Variants in IGFBP7 observed in about 807,000 individuals in gnomAD.
IGFBP7 encodes the protein insulin like growth factor binding protein 7.
IGFBP7 carries 31 observed loss-of-function variants against 29.4 expected under a neutral mutation model. The ratio of observed to expected loss-of-function variants is 1.05; its 90% confidence interval spans 0.79 to 1.42. The LOEUF (loss-of-function observed/expected upper bound fraction) is 1.42. Among genes scored for constraint, IGFBP7 ranks in the 40% most tolerant of loss-of-function variants. IGFBP7 has a pLI of 0.00. For missense variants in IGFBP7, 393 were observed against 395.5 expected, an observed-to-expected ratio of 0.99 and a Z score of 0.05; for synonymous variants, 172 against 174.9, an observed-to-expected ratio of 0.98 and a Z score of 0.13.
intron 1 of IGFBP7, among the ~76,000 whole-genome samples, chr4:57,089,239 A>G (rs1258228150): frequency 2.0e-5 from 3 of 152,196 alleles, no homozygotes; most frequent in Admixed American, 6.5e-5. Context: ...TACAATTTAT[A>G]AAAATGAAAG....
rs1465150998 is a variant in IGFBP7, at chr4:57,109,948, G to C, written c.404C>G (p.Ala135Gly). 6.4e-7 allele frequency: 1 copy of C among 1,554,422 alleles called. No individual in the cohort carries two copies. The highest frequency in any genetic ancestry group is 1.2e-5 in the South Asian group (1 of 85,284). Residue 135 changes from alanine (A) to glycine (G), a missense_variant, in exon 1 of 5, where the codon GCC becomes GGC. Coordinates refer to ENST00000295666, the MANE Select transcript of IGFBP7 (RefSeq NM_001553.3). ...TTYPSGCQLRAASQRAESRGE... is the reference protein window; with the variant it reads ...TTYPSGCQLRGASQRAESRGE... ...GCGGCTCTCGGCCCTCTGGCTGGCG[G>C]CGCGCAGCTGGCAGCCGCTCGGGTA...
At chr4:57,055,076 C>G (rs1014898575) in intron 1 of IGFBP7, among the ~76,000 whole-genome samples, 2 of 152,178 alleles carry the variant, frequency 1.3e-5, no homozygotes, top group Non-Finnish European at 2.9e-5. Flanking sequence ...CAGGAGCTAC[C>G]AAGCAGAGGT....
intron 2 of IGFBP7, among the ~76,000 whole-genome samples, chr4:57,037,737 A>G (rs1289671840): frequency 4.6e-5 from 7 of 152,182 alleles, no homozygotes; most frequent in Admixed American, 4.6e-4. Flanking sequence ...TTTGCCAATA[A>G]GGTCACATGC....
At chr4:57,058,786 G>T (rs1389397296) in intron 1 of IGFBP7, among the ~76,000 whole-genome samples, 1 of 152,138 alleles carries the variant, frequency 6.6e-6, no homozygotes, top group East Asian at 1.9e-4. Context: ...CACAGCAAAA[G>T]AAACTATCAA....
At chr4:57,054,059 C>T (rs1724580894) in intron 1 of IGFBP7, among the ~76,000 whole-genome samples, 1 of 151,998 alleles carries the variant, frequency 6.6e-6, no homozygotes, top group South Asian at 2.1e-4. Context: ...CCAGGTTGGT[C>T]TTGGACTCCC....
chr4:57,077,570 A>G (rs976905571), intron 1 of IGFBP7, among the ~76,000 whole-genome samples: 8 of 152,202 alleles, frequency 5.3e-5, no homozygotes, highest in South Asian at 4.1e-4. Context: ...GAGCCACCAC[A>G]GCTGACCAAA....
At chr4:57,065,082 CT>C (rs769261438) in intron 1 of IGFBP7, among the ~76,000 whole-genome samples, 3 of 152,216 alleles carry the variant, frequency 2.0e-5, no homozygotes, top group Non-Finnish European at 4.4e-5. Flanking sequence ...TCCCCTGAGC[CT>C]TGGATCTGGA....
At chr4:57,086,408 C>G (rs568135762) in intron 1 of IGFBP7, among the ~76,000 whole-genome samples, 66 of 152,294 alleles carry the variant, frequency 4.3e-4, no homozygotes, top group South Asian at 2.3e-3. Flanking sequence ...CCCTTCCACC[C>G]TTTGGGTCCC....
At chr4:57,092,414 G>T (rs988172667) in intron 1 of IGFBP7, among the ~76,000 whole-genome samples, 16 of 152,116 alleles carry the variant, frequency 1.1e-4, no homozygotes, top group African/African-American at 3.9e-4. Flanking sequence ...TAGGTAACAG[G>T]CAGGGTCCCT....
At chr4:57,079,942 T>C (rs1020811288) in intron 1 of IGFBP7, among the ~76,000 whole-genome samples, 9 of 152,288 alleles carry the variant, frequency 5.9e-5, no homozygotes, top group Admixed American at 5.2e-4. Context: ...TACCCCATTG[T>C]AGAGATGAGG....
At chr4:57,078,207 A>C (rs540105454) in intron 1 of IGFBP7, among the ~76,000 whole-genome samples, 1 of 152,162 alleles carries the variant, frequency 6.6e-6, no homozygotes, top group African/African-American at 2.4e-5. Flanking sequence ...ATATGTGTAA[A>C]TAATTTAACC....
At chr4:57,079,307 T>C (rs1725305699) in intron 1 of IGFBP7, among the ~76,000 whole-genome samples, 1 of 152,164 alleles carries the variant, frequency 6.6e-6, no homozygotes, top group African/African-American at 2.4e-5. Flanking sequence ...CACATCCCAC[T>C]GTACTTCATT....
chr4:57,053,192 A>G (rs1724555013), intron 1 of IGFBP7, among the ~76,000 whole-genome samples: 1 of 151,970 alleles, frequency 6.6e-6, no homozygotes, highest in Admixed American at 6.5e-5. Flanking sequence ...AATTTTTGTA[A>G]TTTTAGCAGT....
intron 1 of IGFBP7, among the ~76,000 whole-genome samples, chr4:57,042,512 T>G (rs1194266487): frequency 1.3e-5 from 2 of 152,188 alleles, no homozygotes; most frequent in Non-Finnish European, 2.9e-5. Context: ...CATGCCCAGC[T>G]AATTTTTGTG....
At chr4:57,094,676 G>A (rs767009516) in intron 1 of IGFBP7, among the ~76,000 whole-genome samples, 4 of 152,150 alleles carry the variant, frequency 2.6e-5, no homozygotes, top group African/African-American at 4.8e-5. Flanking sequence ...CCTGAATGAC[G>A]TTTTATGCTT....
At chr4:57,074,054 TCTCTCTCTCTC>T (rs879689807) in intron 1 of IGFBP7, among the ~76,000 whole-genome samples, 942 of 65,774 alleles carry the variant, frequency 0.014, 11 homozygotes, top group Middle Eastern at 0.023. Flanking sequence ...TCTCTCTCTC[TCTCTCTCTCTC>T]TCTTTTTTCT....
intron 1 of IGFBP7, among the ~76,000 whole-genome samples, chr4:57,047,590 C>T (rs34688820): frequency 0.16 from 24,026 of 152,154 alleles, 2,063 homozygotes; most frequent in South Asian, 0.22. Context: ...AACAAAATTA[C>T]ATTTGTACTC....
At chr4:57,090,212 T>A (rs956056025) in intron 1 of IGFBP7, among the ~76,000 whole-genome samples, 25 of 152,340 alleles carry the variant, frequency 1.6e-4, no homozygotes, top group Non-Finnish European at 2.9e-4. Context: ...CCTTATATGT[T>A]GAGGGATTGA....
At chr4:57,059,477 C>T (rs1724746795) in intron 1 of IGFBP7, among the ~76,000 whole-genome samples, 1 of 152,142 alleles carries the variant, frequency 6.6e-6, no homozygotes, top group Non-Finnish European at 1.5e-5. Context: ...CCATTATCCT[C>T]AGCAAACTAA....
Sources: gnomAD v4.1 joint callset for allele counts (sites outside exome capture counted in the v4.1 genomes callset) on GRCh38, gnomAD v4.1.1 for gene constraint, MANE v1.5 for transcripts, NCBI Gene and HGNC (gene_info 2026-07-23, HGNC 2026-07-21) for gene names.